The following TMEM150B variants were observed in gnomAD, a reference collection of about 807,000 sequenced individuals.
TMEM150B encodes transmembrane protein 150B.
Under a neutral mutation model 25.2 loss-of-function variants are expected in TMEM150B, and 33 were observed. The observed-to-expected ratio is 1.31, with a 90% confidence interval of 0.99 to 1.75. TMEM150B has a LOEUF of 1.75. Among genes scored for constraint, TMEM150B ranks in the 40% most tolerant of loss-of-function variants. The probability of loss-of-function intolerance (pLI) is 0.00; values close to 1 mark genes in which losing one functional copy is unlikely to be tolerated. For missense variants in TMEM150B, 322 were observed against 306.1 expected, an observed-to-expected ratio of 1.05 and a Z score of -0.39; for synonymous variants, 133 against 134.8, an observed-to-expected ratio of 0.99 and a Z score of 0.09.
At chr19:55,316,661 A>G (rs1286413620) in intron 7 of TMEM150B, 125 bp downstream of exon 7, 2 of 1,053,566 alleles carry the variant, frequency 1.9e-6, no homozygotes, top group Non-Finnish European at 2.5e-6. Context: ...ACAAAGCCAT[A>G]ATCCTGTGCA....
intron 3 of TMEM150B, 106 bp from the exon 4 acceptor site, chr19:55,320,723 C>G: frequency 7.2e-7 from 1 of 1,381,934 alleles, no homozygotes. Context: ...GACCAGGAGT[C>G]CAGGCCCCCA....
intron 6 of TMEM150B, 104 bp downstream of exon 6, chr19:55,319,935 G>A (rs1429031376): frequency 3.2e-6 from 5 of 1,551,570 alleles, no homozygotes; most frequent in Non-Finnish European, 4.4e-6. Context: ...AGGGCCGGGC[G>A]GGAACCAGCC....
intron 7 of TMEM150B, 49 bp from the exon 8 acceptor site, chr19:55,313,104 C>G (rs753236789): frequency 5.2e-6 from 8 of 1,537,956 alleles, no homozygotes; most frequent in Middle Eastern, 2.2e-4. Flanking sequence ...ACGCGGAGCC[C>G]GGCCTGGTCT....
intron 1 of TMEM150B, among the ~76,000 whole-genome samples, chr19:55,323,938 C>G (rs980841009): frequency 6.7e-6 from 1 of 150,174 alleles, no homozygotes; most frequent in Non-Finnish European, 1.5e-5. Flanking sequence ...TCCCAAGTAG[C>G]TGGGATTACA....
chr19:55,320,287 A>G, intron 5 of TMEM150B, 104 bp downstream of exon 5: 18 of 1,507,616 alleles, frequency 1.2e-5, no homozygotes, highest in Non-Finnish European at 1.6e-5. Context: ...TTTTGGGGAA[A>G]GAGGGGCCTG....
Position 55,316,856 on chromosome 19 carries a change from C to A in TMEM150B, c.435G>T (p.Gln145His). Residue 145 changes from glutamine to histidine, a missense_variant, in exon 7 of 8, where the codon CAG becomes CAT. Physicochemically the swap from Gln to His is conservative, Grantham distance 24. Transcript: ENST00000326652. ...LLLWRLKRLP[Q>H]PGAAWIGPLR... ...GGGGCCCAATCCAGGCAGCCCCGGGCTGGGGCAGCCTCTTCAGCCTCCACA... is the reference window on the plus strand; with the variant it reads ...GGGGCCCAATCCAGGCAGCCCCGGGATGGGGCAGCCTCTTCAGCCTCCACA... 1 of 1,594,082 alleles carries A rather than the reference C, an allele frequency of 6.3e-7. No individual in the cohort carries two copies. Among genetic ancestry groups the A allele is most frequent in the East Asian group, 2.3e-5 (1 of 43,598 alleles).
chr19:55,319,558 G>A (rs1186076409), intron 6 of TMEM150B: 3 of 158,340 alleles, frequency 1.9e-5, no homozygotes, highest in African/African-American at 8.0e-5. Context: ...TGATTCTCCT[G>A]CCTCTGCCTC....
intron 7 of TMEM150B, among the ~76,000 whole-genome samples, chr19:55,315,272 T>C (rs1803886816): frequency 6.6e-6 from 1 of 150,910 alleles, no homozygotes; most frequent in East Asian, 2.0e-4. Context: ...GCCAAGATCA[T>C]GCCACTGCAC....
In TMEM150B at chr19:55,312,872, G is replaced by A. The variant is rs765937465; in HGVS notation, c.689C>T (p.Pro230Leu). 4.4e-5 allele frequency: 70 copies of A among 1,592,516 alleles called. 1 individual carries two copies. Among genetic ancestry groups the A allele is most frequent in the South Asian group, 1.5e-4 (13 of 88,504 alleles). The change falls in exon 8 of 8, where the codon CCG becomes CTG. Residue 230 changes from proline (P) to leucine (L), a missense_variant. Coordinates refer to ENST00000326652, the MANE Select transcript of TMEM150B (RefSeq NM_001282011.2). The part of the protein sequence containing the change: ...SPPPASPISL[P>L]VQL Reference sequence around the variant, plus strand: ...TCAGGGTGCCTGCTACAGCTGGACCGGCAGGGAGATGGGGGAGGCCGGCGG... The same window carrying A: ...TCAGGGTGCCTGCTACAGCTGGACCAGCAGGGAGATGGGGGAGGCCGGCGG...
downstream of TMEM150B, chr19:55,312,640 G>A: frequency 2.1e-6 from 1 of 486,346 alleles, no homozygotes; most frequent in Admixed American, 3.7e-5. Context: ...CCAGTTGCAG[G>A]GGCAGGGCCC....
At position 55,320,973 on chromosome 19, in the gene TMEM150B, T is replaced by C. The variant is rs1386096446; in HGVS notation, c.64A>G (p.Ile22Val). 3.7e-6 allele frequency: 6 copies of C among 1,613,572 alleles called. No homozygotes were observed. Among genetic ancestry groups the C allele is most frequent in the African/African-American group, 2.7e-5 (2 of 74,958 alleles). Residue 22 changes from isoleucine to valine, a missense_variant, in exon 3 of 8, where the codon ATC becomes GTC. Physicochemically the swap from Ile to Val is conservative, Grantham distance 29. Transcript: ENST00000326652. ...CATCATGCCTCTGACACTCACACGATCCAGACGCCAGAGATAGCCCAGACA... is the reference window on the plus strand; with the variant it reads ...CATCATGCCTCTGACACTCACACGACCCAGACGCCAGAGATAGCCCAGACA... Reference protein sequence around the residue: ...LAVWAISGVWIVFAIAVTNRT... With the variant: ...LAVWAISGVWVVFAIAVTNRT...
chr19:55,317,908 G>A (rs936776024), intron 6 of TMEM150B, among the ~76,000 whole-genome samples: 3 of 151,986 alleles, frequency 2.0e-5, no homozygotes, highest in African/African-American at 4.8e-5. Flanking sequence ...AGCTGAGATG[G>A]CACCATCGCA....
chr19:55,311,745 C>T (rs2088801022), downstream of TMEM150B, among the ~76,000 whole-genome samples: 2 of 152,136 alleles, frequency 1.3e-5, no homozygotes, highest in Non-Finnish European at 2.9e-5. Flanking sequence ...TCCGAGTAAC[C>T]AATTCAAGGC....
At chr19:55,323,835 C>A (rs1180235485) in intron 1 of TMEM150B, among the ~76,000 whole-genome samples, 6 of 114,886 alleles carry the variant, frequency 5.2e-5, no homozygotes, top group Non-Finnish European at 8.5e-5. Flanking sequence ...GAAACAGAGT[C>A]TCCCTCTGTT....
chr19:55,312,752 T>G (rs2088840563), downstream of TMEM150B: 4 of 1,244,368 alleles, frequency 3.2e-6, no homozygotes, highest in Admixed American at 2.7e-5. Context: ...CAGCCCCAGC[T>G]GGTTGGAGAG....
chr19:55,317,373 C>T (rs574681334), intron 6 of TMEM150B, among the ~76,000 whole-genome samples: 4 of 152,174 alleles, frequency 2.6e-5, no homozygotes, highest in Non-Finnish European at 4.4e-5. Flanking sequence ...TGGCCTGGTG[C>T]GGTGGCTCAC....
chr19:55,323,511 T>C (rs544417402), intron 1 of TMEM150B, among the ~76,000 whole-genome samples: 83 of 152,066 alleles, frequency 5.5e-4, no homozygotes, highest in Middle Eastern at 3.4e-3. Context: ...CTCTTTCTTT[T>C]TTTTTTTTTG....
intron 6 of TMEM150B, among the ~76,000 whole-genome samples, chr19:55,318,286 C>T (rs926271742): frequency 2.0e-5 from 3 of 152,150 alleles, no homozygotes; most frequent in South Asian, 2.1e-4. Flanking sequence ...CACTTGAGCC[C>T]GGGAGATGGA....
Position 55,320,469 on chromosome 19 carries a change from C to G in TMEM150B, c.129-11G>C. The G allele has an allele frequency of 6.3e-7, 1 of 1,599,078 alleles. No individual in the cohort carries two copies. The highest frequency in any genetic ancestry group is 1.1e-5 in the South Asian group (1 of 89,346). ...AAGGATCCGCAGATGCTGGGGAAGA[C>G]AAAGGGGTCATCCTGGGCAATCCAA... On this transcript the variant is annotated splice_polypyrimidine_tract_variant and intron_variant, in intron 4 of 7. Coordinates refer to ENST00000326652, the MANE Select transcript of TMEM150B (RefSeq NM_001282011.2).
Sources: gnomAD v4.1 joint callset for allele counts (sites outside exome capture counted in the v4.1 genomes callset) on GRCh38, gnomAD v4.1.1 for gene constraint, MANE v1.5 for transcripts, NCBI Gene and HGNC (gene_info 2026-07-23, HGNC 2026-07-21) for gene names.